The following IRF2 variants were observed in gnomAD, a reference collection of about 807,000 sequenced individuals.
The protein encoded by IRF2 is interferon regulatory factor 2.
In IRF2, 15 loss-of-function variants were observed where a neutral mutation model predicts 40.6. That is an observed-to-expected ratio of 0.37 (90% CI 0.25 to 0.57). IRF2 has a LOEUF of 0.57. Among genes scored for constraint, IRF2 ranks in the 20% least tolerant of loss-of-function variants. The pLI, the probability that IRF2 is intolerant of heterozygous loss-of-function variation, is 0.77. For synonymous variants in IRF2, 151 were observed against 165.5 expected, an observed-to-expected ratio of 0.91 and a Z score of 0.67; for missense variants, 317 against 455.7, an observed-to-expected ratio of 0.70 and a Z score of 2.77.
Position 184,408,369 on chromosome 4 carries a change from C to A in IRF2, c.412-94G>T. 1.3e-6 allele frequency: 1 copy of A among 795,242 alleles called. No homozygotes were observed. The allele number at this position is 795,242 out of a possible 1,614,324, so 49.3% of individuals were successfully genotyped here. A position where few individuals can be genotyped will look rare whatever the true frequency, so the allele number is the denominator to read the frequency against. ...TACCCTCTGCCTACTTTCTTTAATG[C>A]TAGGGTCATTCATGTTCAGCTGCCG... On this transcript the variant is annotated intron_variant, in intron 5 of 8. Coordinates refer to ENST00000393593, the MANE Select transcript of IRF2 (RefSeq NM_002199.4). The surrounding 1 kb of genome is among the most constrained non-coding windows in gnomAD (Gnocchi z 4.9).
intron 3 of IRF2, 145 bp from the exon 4 acceptor site, chr4:184,418,853 T>C (rs1368709892): frequency 2.9e-6 from 2 of 689,144 alleles, no homozygotes; most frequent in African/African-American, 1.8e-5. Context: ...ATCGTCCTGG[T>C]GTACCTGGGG....
At chr4:184,411,478 C>T in intron 5 of IRF2, among the ~76,000 whole-genome samples, 1 of 152,146 alleles carries the variant, frequency 6.6e-6, no homozygotes, top group East Asian at 1.9e-4. Context: ...CCCCTCACCC[C>T]ACTTCAAAAG....
chr4:184,426,980 C>A (rs961587284), intron 2 of IRF2, among the ~76,000 whole-genome samples: 1 of 152,176 alleles, frequency 6.6e-6, no homozygotes, highest in Non-Finnish European at 1.5e-5. Flanking sequence ...TGAGCTAATG[C>A]ATGTACCTTG....
At chr4:184,412,652 G>A (rs888207317) in intron 5 of IRF2, among the ~76,000 whole-genome samples, 1 of 152,232 alleles carries the variant, frequency 6.6e-6, no homozygotes, top group Admixed American at 6.5e-5. Flanking sequence ...CAATGCCACT[G>A]ACAACAGAAG....
intron 1 of IRF2, among the ~76,000 whole-genome samples, chr4:184,443,100 A>G (rs58339330): frequency 6.6e-6 from 1 of 151,942 alleles, no homozygotes; most frequent in Non-Finnish European, 1.5e-5. Context: ...GAATTTTTGC[A>G]TTTTTAGTAG....
At chr4:184,437,641 GGGT>G (rs1025838395) in intron 1 of IRF2, among the ~76,000 whole-genome samples, 1 of 152,170 alleles carries the variant, frequency 6.6e-6, no homozygotes, top group Non-Finnish European at 1.5e-5. Flanking sequence ...AACCTCAGGA[GGGT>G]CTCAGATGCC....
intron 1 of IRF2, among the ~76,000 whole-genome samples, chr4:184,465,925 T>C (rs1739301113): frequency 6.6e-6 from 1 of 152,176 alleles, no homozygotes; most frequent in Non-Finnish European, 1.5e-5. Flanking sequence ...CCAAGGTAAA[T>C]TCCAGAAAGT....
At chr4:184,390,847 C>T (rs961941181) in intron 7 of IRF2, 98 bp from the exon 8 acceptor site, 17 of 1,158,496 alleles carry the variant, frequency 1.5e-5, no homozygotes, top group East Asian at 7.1e-5. Context: ...AGTAACTAAA[C>T]GCATCACCTC....
At chr4:184,427,787 T>C (rs1737724170) in intron 2 of IRF2, among the ~76,000 whole-genome samples, 1 of 152,220 alleles carries the variant, frequency 6.6e-6, no homozygotes, top group Non-Finnish European at 1.5e-5. Flanking sequence ...CCTGTTCCCT[T>C]GTTGGAAGCA....
chr4:184,449,981 G>A (rs1368347419), intron 1 of IRF2, among the ~76,000 whole-genome samples: 1 of 152,144 alleles, frequency 6.6e-6, no homozygotes, highest in Non-Finnish European at 1.5e-5. Context: ...TGGTTGTAGG[G>A]GCTAGGTATA....
At chr4:184,422,368 A>T (rs1737513943) in intron 2 of IRF2, among the ~76,000 whole-genome samples, 1 of 152,226 alleles carries the variant, frequency 6.6e-6, no homozygotes, top group Non-Finnish European at 1.5e-5. Flanking sequence ...CTGGAGAAAA[A>T]GTTTGGCCAT....
intron 2 of IRF2, among the ~76,000 whole-genome samples, chr4:184,428,312 C>T (rs762095275): frequency 2.0e-5 from 3 of 152,094 alleles, no homozygotes; most frequent in Non-Finnish European, 2.9e-5. Context: ...CCTGGAGTTT[C>T]CATGTCCTCT....
chr4:184,456,233 T>C (rs1208651807), intron 1 of IRF2, among the ~76,000 whole-genome samples: 1 of 152,196 alleles, frequency 6.6e-6, no homozygotes, highest in Non-Finnish European at 1.5e-5. Flanking sequence ...TGAATTTTTT[T>C]CAAAGGCCTA....
intron 1 of IRF2, among the ~76,000 whole-genome samples, chr4:184,442,642 A>G (rs758120526): frequency 6.6e-6 from 1 of 152,036 alleles, no homozygotes; most frequent in South Asian, 2.1e-4. Flanking sequence ...AGCATCCTCA[A>G]TATTTGTCAA....
chr4:184,415,550 T>G (rs1737237891), intron 5 of IRF2, among the ~76,000 whole-genome samples: 1 of 152,230 alleles, frequency 6.6e-6, no homozygotes, highest in East Asian at 1.9e-4. Context: ...GCCACATCCC[T>G]GAAAGAGGAC....
intron 1 of IRF2, among the ~76,000 whole-genome samples, chr4:184,440,910 G>A (rs1371323633): frequency 6.6e-6 from 1 of 152,162 alleles, no homozygotes; most frequent in African/African-American, 2.4e-5. Context: ...AGATCTCTGG[G>A]ATACCCAAAA....
chr4:184,433,071 G>C (rs1165799510), intron 1 of IRF2, among the ~76,000 whole-genome samples: 1 of 152,176 alleles, frequency 6.6e-6, no homozygotes, highest in Non-Finnish European at 1.5e-5. Context: ...TCACCCAGAA[G>C]ACCATGCCTA....
At chr4:184,440,998 C>G (rs1016145241) in intron 1 of IRF2, among the ~76,000 whole-genome samples, 1 of 152,204 alleles carries the variant, frequency 6.6e-6, no homozygotes, top group African/African-American at 2.4e-5. Context: ...TCTCGCCATA[C>G]CTTGAAAGAT....
intron 1 of IRF2, among the ~76,000 whole-genome samples, chr4:184,464,176 A>T (rs748452019): frequency 1.3e-5 from 2 of 152,136 alleles, no homozygotes; most frequent in Non-Finnish European, 2.9e-5. Flanking sequence ...TAGGATAGGA[A>T]GATATGAAGA....
Sources: gnomAD v4.1 joint callset for allele counts (sites outside exome capture counted in the v4.1 genomes callset) on GRCh38, gnomAD v4.1.1 for gene constraint, Gnocchi (gnomAD v3.1) non-coding constraint, MANE v1.5 for transcripts, NCBI Gene and HGNC (gene_info 2026-07-23, HGNC 2026-07-21) for gene names.